The following EXOC6B variants were observed in gnomAD, a reference collection of about 807,000 sequenced individuals.
EXOC6B encodes the protein SEC15 homolog B.
EXOC6B carries 54 observed loss-of-function variants against 113.5 expected under a neutral mutation model. The observed-to-expected ratio is 0.48, with a 90% CI of 0.38 to 0.60. The LOEUF (loss-of-function observed/expected upper bound fraction) is 0.60, where lower values mean the gene tolerates loss of function less well. Ranked by LOEUF, EXOC6B falls within the 20% of genes least tolerant of loss-of-function variation. The pLI, the probability that EXOC6B is intolerant of heterozygous loss-of-function variation, is 0.00. For synonymous variants in EXOC6B, 357 were observed against 339.0 expected, an observed-to-expected ratio of 1.05 and a Z score of -0.58; for missense variants, 797 against 977.5, an observed-to-expected ratio of 0.82 and a Z score of 2.46.
At chr2:72,553,442 C>T (rs1490144936) in intron 8 of EXOC6B, among the ~76,000 whole-genome samples, 3 of 151,860 alleles carry the variant, frequency 2.0e-5, no homozygotes, top group Non-Finnish European at 4.4e-5. Context: ...TAATCTCAAA[C>T]TTACTATAAC....
At chr2:72,804,718 C>T (rs1454170514) in intron 1 of EXOC6B, among the ~76,000 whole-genome samples, 6 of 152,054 alleles carry the variant, frequency 3.9e-5, no homozygotes, top group Non-Finnish European at 7.4e-5. Context: ...GCCTCAGCCT[C>T]CCGAGTAGCT....
intron 20 of EXOC6B, among the ~76,000 whole-genome samples, chr2:72,278,164 G>A (rs1190076100): frequency 6.6e-6 from 1 of 152,142 alleles, no homozygotes; most frequent in Non-Finnish European, 1.5e-5. Context: ...TTTTGAGTGA[G>A]CAGGAATGAA....
intron 20 of EXOC6B, among the ~76,000 whole-genome samples, chr2:72,237,539 G>T (rs540524184): frequency 2.6e-5 from 4 of 152,156 alleles, no homozygotes; most frequent in Admixed American, 1.3e-4. Context: ...TATAAATGAA[G>T]TAAAGCCTCT....
At chr2:72,450,374 A>G (rs983902726) in intron 18 of EXOC6B, among the ~76,000 whole-genome samples, 4 of 152,236 alleles carry the variant, frequency 2.6e-5, no homozygotes, top group Non-Finnish European at 5.9e-5. Context: ...CAAGTTTACT[A>G]AAGGGACCTG....
rs1288150294 is a variant in EXOC6B at position 72,422,177 on chromosome 2, A to T, written c.1981-42307T>A. Among the ~76,000 whole-genome samples, 5 of 152,180 alleles carry T rather than the reference A, an allele frequency of 3.3e-5. 1 individual carries two copies. The highest frequency in any genetic ancestry group is 7.4e-5 in the Non-Finnish European group (5 of 68,024). Reference sequence around the variant, plus strand: ...CACCACCCCCTGCTCCAGGGTGCCCAGTCCCATCGACCACCCAAGGGCTGA... The same window carrying T: ...CACCACCCCCTGCTCCAGGGTGCCCTGTCCCATCGACCACCCAAGGGCTGA... On this transcript the variant is annotated intron_variant, in intron 18 of 21. Coordinates refer to ENST00000272427, the MANE Select transcript of EXOC6B (RefSeq NM_015189.3).
intron 18 of EXOC6B, among the ~76,000 whole-genome samples, chr2:72,459,109 T>C (rs1380085434): frequency 1.3e-5 from 2 of 152,164 alleles, no homozygotes; most frequent in East Asian, 1.9e-4. Context: ...AAAAACCACA[T>C]GATTATCTCA....
At chr2:72,260,672 CA>C (rs1683660458) in intron 20 of EXOC6B, among the ~76,000 whole-genome samples, 1 of 152,120 alleles carries the variant, frequency 6.6e-6, no homozygotes, top group Non-Finnish European at 1.5e-5. Context: ...GATAAGAGAA[CA>C]GAGAAGATTT....
chr2:72,258,629 C>CA (rs1028715923), intron 20 of EXOC6B, among the ~76,000 whole-genome samples: 1 of 151,932 alleles, frequency 6.6e-6, no homozygotes, highest in African/African-American at 2.4e-5. Flanking sequence ...CTTAGCCACT[C>CA]AAAGTGCTGG....
intron 18 of EXOC6B, among the ~76,000 whole-genome samples, chr2:72,407,721 A>G (rs1693880366): frequency 6.6e-6 from 1 of 152,214 alleles, no homozygotes; most frequent in African/African-American, 2.4e-5. Flanking sequence ...ATCTCAAAAT[A>G]ATAAAAGCTA....
chr2:72,210,033 A>C, intron 20 of EXOC6B, among the ~76,000 whole-genome samples: 1 of 152,178 alleles, frequency 6.6e-6, no homozygotes, highest in Non-Finnish European at 1.5e-5. Flanking sequence ...AATTATAAAT[A>C]CTAAGACTTT....
chr2:72,321,126 T>C (rs968559739), intron 20 of EXOC6B, among the ~76,000 whole-genome samples: 1 of 152,148 alleles, frequency 6.6e-6, no homozygotes, highest in Non-Finnish European at 1.5e-5. Flanking sequence ...ATATTGCTGG[T>C]AGGACTACAA....
intron 1 of EXOC6B, among the ~76,000 whole-genome samples, chr2:72,771,122 A>G (rs1683383482): frequency 6.6e-6 from 1 of 152,244 alleles, no homozygotes; most frequent in Non-Finnish European, 1.5e-5. Flanking sequence ...AAGTTATTAC[A>G]TAACCAGAAG....
At chr2:72,699,645 T>C (rs1016719595) in intron 6 of EXOC6B, among the ~76,000 whole-genome samples, 2 of 152,146 alleles carry the variant, frequency 1.3e-5, no homozygotes, top group Non-Finnish European at 2.9e-5. Context: ...TTTGCTTTCT[T>C]ATATGGTTTA....
intron 18 of EXOC6B, among the ~76,000 whole-genome samples, chr2:72,450,633 C>T (rs1696856818): frequency 6.6e-6 from 1 of 152,128 alleles, no homozygotes; most frequent in African/African-American, 2.4e-5. Context: ...TCCATAATTA[C>T]AGGAATTCAC....
At chr2:72,428,037 C>T (rs1695306609) in intron 18 of EXOC6B, among the ~76,000 whole-genome samples, 1 of 152,114 alleles carries the variant, frequency 6.6e-6, no homozygotes. Flanking sequence ...CTGAATACTC[C>T]ATGGAACACC....
chr2:72,484,499 G>A (rs1181263443), intron 16 of EXOC6B, among the ~76,000 whole-genome samples: 2 of 150,260 alleles, frequency 1.3e-5, no homozygotes, highest in South Asian at 4.2e-4. Flanking sequence ...CCCAGGAGGC[G>A]GAGCTTGCAG....
In EXOC6B at chr2:72,664,488, C is replaced by T. The variant is rs145908177; in HGVS notation, c.669+53615G>A. On this transcript the variant is annotated intron_variant, in intron 6 of 21. Transcript: ENST00000272427. ...GTACAAGAGATCCCATGACCCCCCA[C>T]AGACAGTTAAATTAACAGGGGGATC... is the stretch of plus-strand genomic sequence containing the variant. Among the ~76,000 whole-genome samples the T allele has an allele frequency of 1.3e-3, 197 of 152,284 alleles. 1 individual carries two copies. Among genetic ancestry groups the T allele is most frequent in the African/African-American group, 4.3e-3 (178 of 41,550 alleles).
At chr2:72,284,034 G>C (rs1487325066) in intron 20 of EXOC6B, among the ~76,000 whole-genome samples, 4 of 152,024 alleles carry the variant, frequency 2.6e-5, no homozygotes, top group Non-Finnish European at 4.4e-5. Flanking sequence ...GGGTTCACTG[G>C]TGAATTCTAC....
intron 6 of EXOC6B, among the ~76,000 whole-genome samples, chr2:72,656,528 A>C (rs1298159215): frequency 6.6e-6 from 1 of 152,192 alleles, no homozygotes; most frequent in Non-Finnish European, 1.5e-5. Context: ...CAGTCAAAAA[A>C]TTGCAAATTG....
Sources: gnomAD v4.1 joint callset for allele counts (sites outside exome capture counted in the v4.1 genomes callset) on GRCh38, gnomAD v4.1.1 for gene constraint, MANE v1.5 for transcripts, NCBI Gene and HGNC (gene_info 2026-07-23, HGNC 2026-07-21) for gene names.